ARHGEF10L: variants seen among roughly 807,000 people sequenced by gnomAD.
The protein encoded by ARHGEF10L is Rho guanine nucleotide exchange factor 10 like.
A neutral mutation model predicts 141.2 loss-of-function variants in ARHGEF10L; 69 were observed. That is an observed-to-expected ratio of 0.49 (90% CI 0.40 to 0.60). The LOEUF (loss-of-function observed/expected upper bound fraction) is 0.60. Among genes scored for constraint, ARHGEF10L ranks in the 20% least tolerant of loss-of-function variants. The pLI is 0.00. For missense variants in ARHGEF10L, 1,482 were observed against 1,734.3 expected, an observed-to-expected ratio of 0.85 and a Z score of 2.58; for synonymous variants, 711 against 718.5, an observed-to-expected ratio of 0.99 and a Z score of 0.17.
intron 16 of ARHGEF10L, chr1:17,634,137 A>G (rs1344693569): frequency 4.4e-6 from 1 of 227,498 alleles, no homozygotes; most frequent in Non-Finnish European, 8.6e-6. Context: ...AAAGAAGGTA[A>G]TTCTTCAGTC....
At chr1:17,570,254 C>T (rs2077937727) in intron 1 of ARHGEF10L, among the ~76,000 whole-genome samples, 1 of 152,210 alleles carries the variant, frequency 6.6e-6, no homozygotes. Context: ...TGATAAATAA[C>T]TAAAATTTGT....
At chr1:17,527,938 G>A in the ARHGEF10L span, among the ~76,000 whole-genome samples, 2 of 148,492 alleles carry the variant, frequency 1.3e-5, no homozygotes, top group African/African-American at 2.5e-5. Flanking sequence ...GCATGATCTT[G>A]GCTCACTGCA....
At chr1:17,637,848 C>T (rs753083784) in intron 18 of ARHGEF10L, 40 bp from the exon 19 acceptor site, 17 of 1,521,466 alleles carry the variant, frequency 1.1e-5, no homozygotes, top group East Asian at 4.9e-5. Context: ...TTCTTGTTAG[C>T]GCCTTCACCT....
At chr1:17,638,431 C>A in intron 19 of ARHGEF10L, 131 bp from the exon 20 acceptor site, 2 of 1,321,292 alleles carry the variant, frequency 1.5e-6, no homozygotes, top group East Asian at 2.4e-5. Flanking sequence ...GCTAAATGTG[C>A]AGCCTCAGTG....
Position 17,623,191 on chromosome 1 carries a change from CT to C in ARHGEF10L, c.1200+21del. On this transcript the variant is annotated intron_variant, in intron 12 of 28. Transcript: ENST00000361221. This position sits in a 1 kb window ranked among gnomAD's most constrained non-coding sequence, Gnocchi z 4.7. ...CGTGGCCTCGGTAAGTGTCCCCAAACTTTTTCCCCAGCCCACCAAGGTAAAA... is the reference window on the plus strand; with the variant it reads ...CGTGGCCTCGGTAAGTGTCCCCAAACTTTTCCCCAGCCCACCAAGGTAAAA... 6.2e-7 allele frequency: 1 copy of C among 1,608,788 alleles called. No individual in the cohort carries two copies. The highest frequency in any genetic ancestry group is 8.5e-7 in the Non-Finnish European group (1 of 1,177,454).
chr1:17,637,726 G>C (rs1212691039), intron 18 of ARHGEF10L, among the ~76,000 whole-genome samples, 162 bp from the exon 19 acceptor site: 1 of 152,264 alleles, frequency 6.6e-6, no homozygotes, highest in East Asian at 1.9e-4. Context: ...GGATGGTCTC[G>C]ATCTCCTGAC....
intron 21 of ARHGEF10L, among the ~76,000 whole-genome samples, chr1:17,646,598 G>A (rs1010790422): frequency 6.6e-6 from 1 of 152,118 alleles, no homozygotes; most frequent in African/African-American, 2.4e-5. Flanking sequence ...GTGCACATGT[G>A]CACACAACGA....
intron 1 of ARHGEF10L, among the ~76,000 whole-genome samples, chr1:17,569,785 C>T (rs746685367): frequency 2.0e-5 from 3 of 152,208 alleles, no homozygotes; most frequent in African/African-American, 7.2e-5. Context: ...CGGTGGCAGC[C>T]GCGGAGGCTC....
chr1:17,686,201 A>G (rs1006558189), intron 26 of ARHGEF10L, among the ~76,000 whole-genome samples: 1 of 151,620 alleles, frequency 6.6e-6, no homozygotes, highest in East Asian at 1.9e-4. Context: ...GACAGTACAG[A>G]GCTGGATACA....
chr1:17,564,578 C>A (rs544896472), intron 1 of ARHGEF10L, among the ~76,000 whole-genome samples: 1 of 152,308 alleles, frequency 6.6e-6, no homozygotes, highest in Admixed American at 6.5e-5. Flanking sequence ...TGTAGGGGCT[C>A]AAGACACAGG....
intron 26 of ARHGEF10L, among the ~76,000 whole-genome samples, chr1:17,682,543 T>C (rs2064206268): frequency 6.6e-6 from 1 of 152,336 alleles, no homozygotes; most frequent in Non-Finnish European, 1.5e-5. Context: ...CGGATGTGAC[T>C]GTGTTCCAAT....
intron 25 of ARHGEF10L, among the ~76,000 whole-genome samples, chr1:17,661,926 G>A (rs920553604): frequency 3.3e-5 from 5 of 151,370 alleles, no homozygotes; most frequent in African/African-American, 1.2e-4. Context: ...AGCAGGCCAG[G>A]CCCAGAGTCA....
chr1:17,577,876 AT>A (rs1464207748), intron 1 of ARHGEF10L, among the ~76,000 whole-genome samples: 1 of 152,212 alleles, frequency 6.6e-6, no homozygotes, highest in Non-Finnish European at 1.5e-5. Context: ...AATAATGCTA[AT>A]AAAGTGTCAG....
At chr1:17,611,000 CT>C (rs2059520578) in intron 7 of ARHGEF10L, among the ~76,000 whole-genome samples, 1 of 151,940 alleles carries the variant, frequency 6.6e-6, no homozygotes, top group Non-Finnish European at 1.5e-5. Context: ...CTCTCCCACT[CT>C]CCAGTGGTGA....
rs761016303 is a variant in ARHGEF10L at position 17,656,039 on chromosome 1, C to G, written c.2642C>G (p.Pro881Arg). The G allele has an allele frequency of 6.4e-7, 1 of 1,570,660 alleles. No homozygotes were observed. The highest frequency in any genetic ancestry group is 1.2e-5 in the South Asian group (1 of 85,344). Reference protein sequence around the residue: ...EEEAESRDESPTVADPSATVH... With the variant: ...EEEAESRDESRTVADPSATVH... ...GAGGCGGAGAGCAGAGACGAGAGCCCGACAGTTGCTGACCCCTCGGCCACG... is the reference window on the plus strand; with the variant it reads ...GAGGCGGAGAGCAGAGACGAGAGCCGGACAGTTGCTGACCCCTCGGCCACG... The change falls in exon 24 of 29, where the codon CCG (proline) becomes CGG (arginine). Residue 881 changes from proline (P) to arginine (R), a missense_variant. Transcript: ENST00000361221. This position sits in a 1 kb window ranked among gnomAD's most constrained non-coding sequence, Gnocchi z 4.9.
In ARHGEF10L at chr1:17,615,080, T is replaced by C. The variant is rs991973791; in HGVS notation, c.727-1014T>C. 2.0e-5 allele frequency: 3 copies of C among 152,240 alleles called. No homozygotes were observed. Among genetic ancestry groups the C allele is most frequent in the African/African-American group, 7.2e-5 (3 of 41,460 alleles). 9.4% of individuals were successfully genotyped at this position (152,240 alleles called of 1,614,324 possible). A position where few individuals can be genotyped will look rare whatever the true frequency, so the allele number is the denominator to read the frequency against. ...TCTTTAAATGGAAATTAACTAAAAG[T>C]AAATATAATTAGAAATTTGGGTGCT... On this transcript the variant is annotated intron_variant, in intron 8 of 28. Transcript: ENST00000361221. The surrounding 1 kb of genome is among the most constrained non-coding windows in gnomAD (Gnocchi z 4.7).
intron 4 of ARHGEF10L, among the ~76,000 whole-genome samples, chr1:17,590,626 C>T (rs2079449304): frequency 6.6e-6 from 1 of 152,086 alleles, no homozygotes; most frequent in South Asian, 2.1e-4. Context: ...CAAAGACGTC[C>T]TTGGTGAACG....
intron 26 of ARHGEF10L, among the ~76,000 whole-genome samples, chr1:17,672,522 G>T (rs1039916486): frequency 6.6e-6 from 1 of 152,142 alleles, no homozygotes; most frequent in African/African-American, 2.4e-5. Flanking sequence ...GCAGGGTCTC[G>T]CGTCCTATCA....
At chr1:17,533,658 A>G in the ARHGEF10L span, among the ~76,000 whole-genome samples, 2 of 152,112 alleles carry the variant, frequency 1.3e-5, no homozygotes, top group African/African-American at 4.8e-5. Context: ...GGTTATGAAG[A>G]ACCTAGAAGG....
Sources: allele counts gnomAD v4.1 joint callset (sites outside exome capture counted in the v4.1 genomes callset), GRCh38; gene constraint gnomAD v4.1.1; non-coding constraint Gnocchi (gnomAD v3.1); transcripts MANE v1.5; gene names NCBI Gene and HGNC (gene_info 2026-07-23, HGNC 2026-07-21).